Variants in TSHR observed in about 807,000 individuals in gnomAD.
TSHR encodes thyrotropin receptor.
Under a neutral mutation model 64.1 loss-of-function variants are expected in TSHR, and 51 were observed. The observed-to-expected ratio is 0.80, with a 90% CI of 0.64 to 1.01. The LOEUF (loss-of-function observed/expected upper bound fraction) is 1.01, where lower values mean the gene tolerates loss of function less well. TSHR is among the 50% of genes least tolerant of loss of function. The pLI, the probability that TSHR is intolerant of heterozygous loss-of-function variation, is 0.00. For missense variants in TSHR, 877 were observed against 942.8 expected, an observed-to-expected ratio of 0.93 and a Z score of 0.91; for synonymous variants, 361 against 361.9, an observed-to-expected ratio of 1.00 and a Z score of 0.03.
At chr14:81,094,795 T>C (rs1216247528) in intron 6 of TSHR, among the ~76,000 whole-genome samples, 1 of 147,170 alleles carries the variant, frequency 6.8e-6, no homozygotes, top group Non-Finnish European at 1.5e-5. Context: ...CAAGCAATTC[T>C]CCTGCCTCAG....
chr14:81,057,120 T>C (rs547835512), intron 1 of TSHR, among the ~76,000 whole-genome samples: 80 of 152,160 alleles, frequency 5.3e-4, no homozygotes, highest in African/African-American at 1.9e-3. Flanking sequence ...CCAATGAAAA[T>C]TTATTCTTGG....
chr14:81,101,203 T>C lies in TSHR; in HGVS notation c.614+4496T>C, dbSNP rs574649504. Among the ~76,000 whole-genome samples, 11 of 152,288 alleles carry C rather than the reference T, an allele frequency of 7.2e-5. No homozygotes were observed. The South Asian group carries it at 2.3e-3, about 32-fold the overall frequency. On this transcript the variant is annotated intron_variant, in intron 7 of 9. Coordinates refer to ENST00000298171, the MANE Select transcript of TSHR (RefSeq NM_000369.5). ...ACACTACTGAAGAAGAATCTTTCGA[T>C]ATACCATCTGCTTGGGAAGCAGGTA...
At chr14:81,047,027 A>G (rs952229991) in intron 1 of TSHR, among the ~76,000 whole-genome samples, 2 of 152,214 alleles carry the variant, frequency 1.3e-5, no homozygotes, top group African/African-American at 2.4e-5. Flanking sequence ...GAGCGAAGTC[A>G]TTTCCACCAG....
At chr14:81,023,563 G>A (rs1331154642) in intron 1 of TSHR, among the ~76,000 whole-genome samples, 1 of 152,190 alleles carries the variant, frequency 6.6e-6, no homozygotes, top group Admixed American at 6.5e-5. Flanking sequence ...AACTCATGGA[G>A]TTCTGGGTGG....
At chr14:81,027,795 A>G (rs1884145341) in intron 1 of TSHR, among the ~76,000 whole-genome samples, 2 of 152,224 alleles carry the variant, frequency 1.3e-5, no homozygotes, top group African/African-American at 4.8e-5. Context: ...TCAGGAAATT[A>G]GGGTGTGCAG....
chr14:80,979,379 G>A (rs953098864), intron 1 of TSHR, among the ~76,000 whole-genome samples: 4 of 152,188 alleles, frequency 2.6e-5, no homozygotes, highest in African/African-American at 9.7e-5. Context: ...GTAGGGGGAG[G>A]AAGAAATGAG....
At chr14:81,134,802 A>C (rs1352468033) in intron 8 of TSHR, among the ~76,000 whole-genome samples, 1 of 152,210 alleles carries the variant, frequency 6.6e-6, no homozygotes, top group Non-Finnish European at 1.5e-5. Context: ...CAATACAAGA[A>C]AATTTCCTAG....
rs141180309 is a variant in TSHR, at chr14:81,057,148, C to T, written c.171-5000C>T. On this transcript the variant is annotated intron_variant, in intron 1 of 9. Transcript: ENST00000298171. ...ATTCTTGGCTGGGTGCAGTGGCTCA[C>T]ACCTGTAATCCCAGCACTTTGGGAG... Among the ~76,000 whole-genome samples the T allele has an allele frequency of 1.7e-3, 260 of 152,310 alleles. 1 individual carries two copies. Among genetic ancestry groups the T allele is most frequent in the Middle Eastern group, 0.01 (3 of 294 alleles).
intron 3 of TSHR, among the ~76,000 whole-genome samples, chr14:81,072,552 A>G (rs186315124): frequency 6.6e-6 from 1 of 152,266 alleles, no homozygotes; most frequent in East Asian, 1.9e-4. Context: ...AAAGCGAGAA[A>G]TTGGAAGAAA....
intron 1 of TSHR, among the ~76,000 whole-genome samples, chr14:80,961,501 A>C (rs1382621616): frequency 6.6e-6 from 1 of 152,178 alleles, no homozygotes; most frequent in African/African-American, 2.4e-5. Context: ...TGTGGTGTTC[A>C]AGAGCTTTGA....
chr14:81,064,836 GAAGA>G (rs1372435941), intron 2 of TSHR, among the ~76,000 whole-genome samples: 1 of 151,992 alleles, frequency 6.6e-6, no homozygotes, highest in Non-Finnish European at 1.5e-5. Flanking sequence ...TAAAGAGAGT[GAAGA>G]AAGAACAATT....
At chr14:81,101,938 G>T (rs938409616) in intron 7 of TSHR, among the ~76,000 whole-genome samples, 1 of 152,142 alleles carries the variant, frequency 6.6e-6, no homozygotes, top group Non-Finnish European at 1.5e-5. Flanking sequence ...TTGGGAGGCT[G>T]AGGCAGGTGG....
intron 7 of TSHR, chr14:81,104,318 T>C (rs1889760032): frequency 2.0e-6 from 2 of 985,402 alleles, no homozygotes; most frequent in African/African-American, 3.5e-5. Context: ...CCCACAGAAG[T>C]GTTCCCATGA....
chr14:81,075,954 A>G (rs575433604), intron 3 of TSHR, among the ~76,000 whole-genome samples: 28 of 152,240 alleles, frequency 1.8e-4, no homozygotes, highest in African/African-American at 6.0e-4. Flanking sequence ...ACCATGGGAT[A>G]CTATGCAGCC....
At chr14:81,018,487 A>G (rs1215531993) in intron 1 of TSHR, among the ~76,000 whole-genome samples, 1 of 152,230 alleles carries the variant, frequency 6.6e-6, no homozygotes, top group Non-Finnish European at 1.5e-5. Context: ...TTAGAGTTAA[A>G]TTGTTTCTGG....
At chr14:81,136,701 C>T (rs1891468215) in intron 8 of TSHR, among the ~76,000 whole-genome samples, 1 of 152,182 alleles carries the variant, frequency 6.6e-6, no homozygotes. Context: ...AGGAAATTAA[C>T]AATTATTGAG....
intron 1 of TSHR, chr14:80,992,153 G>C (rs1271568491): frequency 6.6e-6 from 1 of 152,232 alleles, no homozygotes; most frequent in Admixed American, 6.5e-5. Context: ...TGTAATCCCA[G>C]CACTTTGGGA....
intron 1 of TSHR, among the ~76,000 whole-genome samples, chr14:81,046,808 A>C (rs975717933): frequency 6.6e-6 from 1 of 152,184 alleles, no homozygotes; most frequent in Non-Finnish European, 1.5e-5. Context: ...GTATCTTAAA[A>C]GTAGCCAGAT....
At chr14:81,086,763 T>C (rs966672576) in intron 3 of TSHR, among the ~76,000 whole-genome samples, 1 of 152,222 alleles carries the variant, frequency 6.6e-6, no homozygotes, top group African/African-American at 2.4e-5. Context: ...GAACTACTAA[T>C]TCATGTTACA....
Sources: gnomAD v4.1 joint callset for allele counts (sites outside exome capture counted in the v4.1 genomes callset) on GRCh38, gnomAD v4.1.1 for gene constraint, MANE v1.5 for transcripts, NCBI Gene and HGNC (gene_info 2026-07-23, HGNC 2026-07-21) for gene names.